NRG1: variants seen among roughly 807,000 people sequenced by gnomAD.
NRG1 encodes the protein pro-neuregulin-1, membrane-bound isoform.
NRG1 carries 18 observed loss-of-function variants against 63.8 expected under a neutral mutation model. The observed-to-expected ratio is 0.28, with a 90% CI of 0.19 to 0.42. The LOEUF (loss-of-function observed/expected upper bound fraction) is 0.42. Among genes scored for constraint, NRG1 ranks in the 10% least tolerant of loss-of-function variants. NRG1 has a pLI of 1.00. For synonymous variants in NRG1, 302 were observed against 301.3 expected (o/e 1.00, Z -0.02); for missense variants, 762 against 814.7 (o/e 0.94, Z 0.79).
intron 1 of NRG1, among the ~76,000 whole-genome samples, chr8:31,957,537 A>G (rs10112137): frequency 0.037 from 5,567 of 152,276 alleles, 356 homozygotes; most frequent in African/African-American, 0.13. Context: ...CACATATTTA[A>G]CTTTCTAGTA....
chr8:32,577,539 G>A (rs1054782529), intron 1 of NRG1, among the ~76,000 whole-genome samples: 3 of 152,092 alleles, frequency 2.0e-5, no homozygotes, highest in African/African-American at 7.2e-5. Flanking sequence ...GAGGCTTCTG[G>A]AAAAAGTAGG....
chr8:31,721,111 C>A (rs948004898), intron 1 of NRG1, among the ~76,000 whole-genome samples: 10 of 152,062 alleles, frequency 6.6e-5, no homozygotes, highest in African/African-American at 2.4e-4. Flanking sequence ...TGTCTGGCAC[C>A]CATTGGTACC....
At chr8:32,760,445 C>G in intron 11 of NRG1, 39 bp downstream of exon 11, 1 of 1,610,380 alleles carries the variant, frequency 6.2e-7, no homozygotes, top group Non-Finnish European at 8.5e-7. Flanking sequence ...AGGAGAAACT[C>G]AGTCAGAGAA....
At chr8:32,441,889 A>G (rs969948312) in intron 1 of NRG1, among the ~76,000 whole-genome samples, 2 of 152,142 alleles carry the variant, frequency 1.3e-5, no homozygotes, top group African/African-American at 2.4e-5. Context: ...CGATTTTCTC[A>G]TAAATGTGAG....
At chr8:32,079,629 T>C (rs1827143063) in intron 1 of NRG1, among the ~76,000 whole-genome samples, 1 of 152,214 alleles carries the variant, frequency 6.6e-6, no homozygotes, top group African/African-American at 2.4e-5. Context: ...TTACCATGTT[T>C]ACCTGAAGTA....
chr8:31,813,516 C>CTTTTCTTTTCTTTTTTTTTTTTTTTT, intron 1 of NRG1, among the ~76,000 whole-genome samples: 3 of 101,210 alleles, frequency 3.0e-5, no homozygotes, highest in African/African-American at 7.3e-5. Flanking sequence ...CTTTTCTTTT[C>CTTTTCTTTTCTTTTTTTTTTTTTTTT]TTTTTTTTTT....
chr8:32,680,646 C>T (rs1171961645), intron 5 of NRG1, among the ~76,000 whole-genome samples: 1 of 152,116 alleles, frequency 6.6e-6, no homozygotes, highest in Non-Finnish European at 1.5e-5. Context: ...AGATAACATT[C>T]TCTGAAATCT....
Position 32,742,296 on chromosome 8 carries a change from A to G in NRG1, c.633-379A>G, listed in dbSNP as rs1589533992. On this transcript the variant is annotated intron_variant, in intron 6 of 11. Transcript: ENST00000356819. The surrounding 1 kb of genome is among the most constrained non-coding windows in gnomAD (Gnocchi z 4.2). ...GAATGGCCAGTCACGATGGCCCGTG[A>G]TGCTGACAAACTATTGCAGGCAAGC... is the stretch of plus-strand genomic sequence containing the variant. Among the ~76,000 whole-genome samples, 1 of 152,138 alleles carries G rather than the reference A, an allele frequency of 6.6e-6. No homozygotes were observed. Among genetic ancestry groups the G allele is most frequent in the South Asian group, 2.1e-4 (1 of 4,818 alleles).
intron 1 of NRG1, among the ~76,000 whole-genome samples, chr8:32,375,659 T>C (rs1809528098): frequency 6.6e-6 from 1 of 152,100 alleles, no homozygotes; most frequent in African/African-American, 2.4e-5. Flanking sequence ...TCTGGAAAAA[T>C]CTTCTAAAAC....
At chr8:32,438,294 C>T (rs1415529081) in intron 1 of NRG1, among the ~76,000 whole-genome samples, 1 of 152,080 alleles carries the variant, frequency 6.6e-6, no homozygotes, top group African/African-American at 2.4e-5. Context: ...TGGTTTTTTC[C>T]AATCAGCATA....
chr8:32,762,650 A>G (rs1383953006), intron 11 of NRG1, among the ~76,000 whole-genome samples: 1 of 152,204 alleles, frequency 6.6e-6, no homozygotes, highest in Non-Finnish European at 1.5e-5. Flanking sequence ...GCAAGAGTTC[A>G]GATGATGGCA....
chr8:31,707,086 T>A (rs1467229650), intron 1 of NRG1, among the ~76,000 whole-genome samples: 1 of 152,118 alleles, frequency 6.6e-6, no homozygotes, highest in Non-Finnish European at 1.5e-5. Flanking sequence ...GGCTTCTGGA[T>A]TTTTAGTCAT....
chr8:32,278,703 C>T (rs1162294970), intron 1 of NRG1, among the ~76,000 whole-genome samples: 1 of 152,076 alleles, frequency 6.6e-6, no homozygotes, highest in African/African-American at 2.4e-5. Context: ...GGACACTCTG[C>T]CTCCCTTCCT....
chr8:32,273,916 A>C (rs994949629), intron 1 of NRG1, among the ~76,000 whole-genome samples: 1 of 152,216 alleles, frequency 6.6e-6, no homozygotes, highest in Non-Finnish European at 1.5e-5. Flanking sequence ...TCCATAGAAC[A>C]ATTAATAGTC....
intron 1 of NRG1, among the ~76,000 whole-genome samples, chr8:32,477,176 C>G (rs1374224239): frequency 6.6e-6 from 1 of 152,034 alleles, no homozygotes; most frequent in South Asian, 2.1e-4. Flanking sequence ...TCCGAAGTTT[C>G]CTCAGCTTTT....
chr8:32,385,357 G>A (rs531035189), intron 1 of NRG1, among the ~76,000 whole-genome samples: 1 of 152,246 alleles, frequency 6.6e-6, no homozygotes, highest in African/African-American at 2.4e-5. Flanking sequence ...TAAAAAAGAA[G>A]CTTGAGAGGC....
intron 1 of NRG1, among the ~76,000 whole-genome samples, chr8:31,911,978 T>C (rs1186259210): frequency 6.6e-6 from 1 of 152,186 alleles, no homozygotes; most frequent in African/African-American, 2.4e-5. Flanking sequence ...ATTGGTTGCT[T>C]AAACTTGGGC....
At chr8:31,814,884 CT>C (rs1823283374) in intron 1 of NRG1, among the ~76,000 whole-genome samples, 2 of 151,848 alleles carry the variant, frequency 1.3e-5, no homozygotes, top group Non-Finnish European at 2.9e-5. Flanking sequence ...TGGTGCCCCC[CT>C]GCAAGCCTCT....
chr8:32,652,560 A>C (rs1204603647), intron 5 of NRG1, among the ~76,000 whole-genome samples: 2 of 151,832 alleles, frequency 1.3e-5, no homozygotes, highest in Non-Finnish European at 2.9e-5. Flanking sequence ...TTGGCTTTAT[A>C]GGTCAGTATT....
Sources: allele counts gnomAD v4.1 joint callset (sites outside exome capture counted in the v4.1 genomes callset), GRCh38; gene constraint gnomAD v4.1.1; non-coding constraint Gnocchi (gnomAD v3.1); transcripts MANE v1.5; gene names NCBI Gene and HGNC (gene_info 2026-07-23, HGNC 2026-07-21).